The following FHIT variants were observed in gnomAD, a reference collection of about 807,000 sequenced individuals.
FHIT encodes the protein bis(5'-adenosyl)-triphosphatase.
A neutral mutation model predicts 17.9 loss-of-function variants in FHIT; 19 were observed. The observed-to-expected ratio is 1.06, with a 90% CI of 0.74 to 1.56. The LOEUF (loss-of-function observed/expected upper bound fraction) is 1.56. FHIT is among the 40% of genes most tolerant of loss of function. The pLI is 0.00. For synonymous variants in FHIT, 81 were observed against 69.7 expected, an observed-to-expected ratio of 1.16 and a Z score of -0.81; for missense variants, 248 against 189.2, an observed-to-expected ratio of 1.31 and a Z score of -1.82.
intron 5 of FHIT, among the ~76,000 whole-genome samples, chr3:60,155,077 C>T (rs536211279): frequency 1.3e-5 from 2 of 151,500 alleles, no homozygotes; most frequent in Non-Finnish European, 2.9e-5. Context: ...CTCTCAGCTA[C>T]TCGGGAGACT....
intron 5 of FHIT, among the ~76,000 whole-genome samples, chr3:60,094,005 C>A (rs1703837558): frequency 6.6e-6 from 1 of 152,042 alleles, no homozygotes; most frequent in Non-Finnish European, 1.5e-5. Flanking sequence ...GTGTGAGAAT[C>A]CTATCTTATT....
chr3:59,849,381 A>G (rs557341907), intron 8 of FHIT, among the ~76,000 whole-genome samples: 2 of 152,290 alleles, frequency 1.3e-5, no homozygotes, highest in African/African-American at 4.8e-5. Flanking sequence ...ACAGAAAAAA[A>G]AAAGATGAGA....
intron 5 of FHIT, among the ~76,000 whole-genome samples, chr3:60,391,809 G>C (rs736934): frequency 0.32 from 48,418 of 151,974 alleles, 8,397 homozygotes; most frequent in Non-Finnish European, 0.39. Context: ...ATGGATGACT[G>C]TATTCATAAA....
At chr3:60,203,958 G>C (rs1290213803) in intron 5 of FHIT, among the ~76,000 whole-genome samples, 1 of 152,094 alleles carries the variant, frequency 6.6e-6, no homozygotes, top group Non-Finnish European at 1.5e-5. Flanking sequence ...TCATGGGGAG[G>C]GGGGTGAATA....
At chr3:59,932,415 G>A (rs1020058673) in intron 7 of FHIT, among the ~76,000 whole-genome samples, 4 of 152,126 alleles carry the variant, frequency 2.6e-5, no homozygotes, top group Non-Finnish European at 4.4e-5. Flanking sequence ...GCCTTGTCTA[G>A]CATTTGTCTT....
intron 5 of FHIT, among the ~76,000 whole-genome samples, chr3:60,504,448 T>A (rs2034648961): frequency 6.6e-6 from 1 of 152,130 alleles, no homozygotes; most frequent in South Asian, 2.1e-4. Flanking sequence ...AAAAAATTTT[T>A]TTTTTGGTTC....
chr3:60,177,081 T>C (rs1272724376), intron 5 of FHIT, among the ~76,000 whole-genome samples: 1 of 152,066 alleles, frequency 6.6e-6, no homozygotes, highest in East Asian at 1.9e-4. Flanking sequence ...GAAAAATCTG[T>C]GCGAAAGAGC....
At chr3:60,784,591 C>A (rs552191008) in intron 4 of FHIT, among the ~76,000 whole-genome samples, 1 of 152,326 alleles carries the variant, frequency 6.6e-6, no homozygotes, top group South Asian at 2.1e-4. Flanking sequence ...CTGCTTCGGC[C>A]TCCCAAAATT....
At chr3:60,568,873 G>A (rs1271136607) in intron 4 of FHIT, among the ~76,000 whole-genome samples, 8 of 151,980 alleles carry the variant, frequency 5.3e-5, no homozygotes, top group African/African-American at 1.9e-4. Flanking sequence ...ACTTATAAGA[G>A]ACAAAGCATT....
chr3:60,277,313 C>G (rs1052163904), intron 5 of FHIT, among the ~76,000 whole-genome samples: 2 of 151,996 alleles, frequency 1.3e-5, no homozygotes, highest in Admixed American at 1.3e-4. Context: ...TAAGGTTTTC[C>G]TTTGAATGAA....
chr3:61,097,039 A>C (rs974277043), intron 2 of FHIT, among the ~76,000 whole-genome samples: 13 of 146,886 alleles, frequency 8.9e-5, no homozygotes, highest in Non-Finnish European at 1.9e-4. Flanking sequence ...AGATTGCACC[A>C]ATGCACTTCA....
intron 5 of FHIT, among the ~76,000 whole-genome samples, chr3:60,529,298 A>C (rs1559515382): frequency 6.6e-6 from 1 of 152,188 alleles, no homozygotes; most frequent in Admixed American, 6.5e-5. Flanking sequence ...TGTATATATA[A>C]TAAAAATAAG....
chr3:59,899,388 G>C (rs979323037), intron 8 of FHIT, among the ~76,000 whole-genome samples: 1 of 152,202 alleles, frequency 6.6e-6, no homozygotes, highest in Non-Finnish European at 1.5e-5. Flanking sequence ...TAATGGCCTT[G>C]TGGCTTTTGC....
chr3:61,204,690 G>A (rs750493119), intron 1 of FHIT, among the ~76,000 whole-genome samples: 6 of 152,090 alleles, frequency 3.9e-5, no homozygotes, highest in Non-Finnish European at 8.8e-5. Flanking sequence ...TTAAACATAA[G>A]TTTTGAAAAG....
intron 8 of FHIT, among the ~76,000 whole-genome samples, chr3:59,865,548 T>C (rs1008711149): frequency 2.6e-5 from 4 of 152,192 alleles, no homozygotes; most frequent in Non-Finnish European, 4.4e-5. Context: ...GGGCCTGGGA[T>C]ATAACGAGGT....
At position 60,466,169 on chromosome 3, in the gene FHIT, A is replaced by ATTATTT. The variant is rs1348535432; in HGVS notation, c.103+70685_103+70690dup. On this transcript the variant is annotated intron_variant, in intron 5 of 9. Coordinates refer to ENST00000492590, the MANE Select transcript of FHIT (RefSeq NM_002012.4). The stretch of plus-strand genomic sequence containing the variant: ...ATTGTAAATGGAATTACTTTCTTGA[A>ATTATTT]TTATTTTTCAGATTGTCCACTGTTG... Among the ~76,000 whole-genome samples, 3 of 152,040 alleles carry ATTATTT rather than the reference A, an allele frequency of 2.0e-5. No homozygotes were observed. The East Asian group carries it at 5.8e-4, about 29-fold the overall frequency.
At chr3:60,117,295 G>A (rs555417336) in intron 5 of FHIT, among the ~76,000 whole-genome samples, 24 of 152,114 alleles carry the variant, frequency 1.6e-4, no homozygotes, top group Non-Finnish European at 3.5e-4. Flanking sequence ...AGTAGAATAG[G>A]TTACAGAATG....
intron 5 of FHIT, among the ~76,000 whole-genome samples, chr3:60,079,197 T>A (rs1227854560): frequency 6.6e-6 from 1 of 152,082 alleles, no homozygotes; most frequent in Non-Finnish European, 1.5e-5. Flanking sequence ...TTAGAGGGCG[T>A]TACTGTCTGA....
intron 8 of FHIT, among the ~76,000 whole-genome samples, chr3:59,853,886 G>T (rs568007059): frequency 3.3e-5 from 5 of 152,230 alleles, no homozygotes; most frequent in African/African-American, 1.2e-4. Flanking sequence ...CAGTTAAAAA[G>T]CATGGAAGTC....
Sources: allele counts gnomAD v4.1 joint callset (sites outside exome capture counted in the v4.1 genomes callset), GRCh38; gene constraint gnomAD v4.1.1; transcripts MANE v1.5; gene names NCBI Gene and HGNC (gene_info 2026-07-23, HGNC 2026-07-21).